The following GRID2 variants were observed in gnomAD, a reference collection of about 807,000 sequenced individuals.
GRID2 encodes glutamate ionotropic receptor delta type subunit 2.
GRID2 carries 33 observed loss-of-function variants against 114.8 expected under a neutral mutation model. The ratio of observed to expected loss-of-function variants is 0.29; its 90% CI spans 0.22 to 0.38. The LOEUF (loss-of-function observed/expected upper bound fraction) is 0.38. Ranked by LOEUF, GRID2 falls within the 10% of genes least tolerant of loss-of-function variation. The pLI is 1.00. For synonymous variants in GRID2, 505 were observed against 449.9 expected, an observed-to-expected ratio of 1.12 and a Z score of -1.55; for missense variants, 1,184 against 1,257.7, an observed-to-expected ratio of 0.94 and a Z score of 0.89.
intron 2 of GRID2, among the ~76,000 whole-genome samples, chr4:92,706,968 A>C (rs1392122132): frequency 2.6e-5 from 4 of 152,154 alleles, no homozygotes; most frequent in African/African-American, 9.7e-5. Context: ...TTTTATAGCC[A>C]TCACATTCAT....
intron 8 of GRID2, among the ~76,000 whole-genome samples, chr4:93,349,352 C>T (rs370451421): frequency 6.6e-6 from 1 of 152,028 alleles, no homozygotes; most frequent in African/African-American, 2.4e-5. Context: ...AGAGGTAACA[C>T]AACTGCATAC....
At chr4:93,186,991 C>T (rs1222348990) in intron 4 of GRID2, among the ~76,000 whole-genome samples, 1 of 152,130 alleles carries the variant, frequency 6.6e-6, no homozygotes, top group Non-Finnish European at 1.5e-5. Context: ...AAAGATAGCA[C>T]CTTCTCACTG....
At chr4:92,990,281 G>GTATA (rs1424772351) in intron 2 of GRID2, among the ~76,000 whole-genome samples, 31 of 50,172 alleles carry the variant, frequency 6.2e-4, no homozygotes, top group African/African-American at 1.7e-3. Flanking sequence ...ACGTAGATAT[G>GTATA]TGTGTGTATA....
intron 4 of GRID2, among the ~76,000 whole-genome samples, chr4:93,200,836 G>GA (rs1212139862): frequency 3.9e-5 from 6 of 151,992 alleles, no homozygotes; most frequent in African/African-American, 7.2e-5. Flanking sequence ...ACTTGCAGTG[G>GA]AAAAAAATGG....
At chr4:92,547,740 G>A (rs1477791851) in intron 1 of GRID2, among the ~76,000 whole-genome samples, 2 of 150,068 alleles carry the variant, frequency 1.3e-5, no homozygotes, top group South Asian at 2.1e-4. Flanking sequence ...GCTTCTTTTT[G>A]TTCTCACACA....
rs1734256878 is a variant in GRID2 at position 93,773,635 on chromosome 4, C to T, written c.*1137C>T. 1 of 151,942 alleles carries T rather than the reference C, an allele frequency of 6.6e-6. No homozygotes were observed. The highest frequency in any genetic ancestry group is 2.4e-5 in the African/African-American group (1 of 41,374). 9.4% of individuals were successfully genotyped at this position (151,942 alleles called of 1,614,324 possible). On this transcript the variant is annotated 3_prime_UTR_variant, in exon 16 of 16. Transcript: ENST00000282020. ...GCTCTAGAAGAGTTGAAACATAGAT[C>T]ATTGAAGGTTAAAAATCCTCTTCCA...
At chr4:92,391,242 C>T (rs1730224233) in intron 1 of GRID2, among the ~76,000 whole-genome samples, 1 of 152,036 alleles carries the variant, frequency 6.6e-6, no homozygotes, top group African/African-American at 2.4e-5. Context: ...CAGACTGTTT[C>T]AAGGAGGTAT....
At chr4:93,680,427 A>G (rs988565344) in intron 14 of GRID2, among the ~76,000 whole-genome samples, 27 of 151,766 alleles carry the variant, frequency 1.8e-4, no homozygotes, top group African/African-American at 6.3e-4. Context: ...AACTCATTTT[A>G]TGAGGCCAGC....
chr4:93,761,354 G>C (rs1206154551), intron 14 of GRID2, among the ~76,000 whole-genome samples: 2 of 152,148 alleles, frequency 1.3e-5, no homozygotes, highest in Non-Finnish European at 2.9e-5. Flanking sequence ...TTGGCTTATA[G>C]AGTTATTTTC....
intron 8 of GRID2, among the ~76,000 whole-genome samples, chr4:93,335,694 CTT>C (rs55823712): frequency 3.7e-4 from 53 of 141,696 alleles, no homozygotes; most frequent in East Asian, 1.0e-3. Context: ...TTTCTTCTTT[CTT>C]TTTTTTTTTT....
At chr4:93,430,418 T>A (rs997559437) in intron 10 of GRID2, among the ~76,000 whole-genome samples, 2 of 152,184 alleles carry the variant, frequency 1.3e-5, no homozygotes, top group Admixed American at 1.3e-4. Context: ...TGACCTCAGG[T>A]GATCTGCCCG....
intron 2 of GRID2, among the ~76,000 whole-genome samples, chr4:92,934,137 T>C (rs1316041004): frequency 6.6e-6 from 1 of 151,864 alleles, no homozygotes; most frequent in Non-Finnish European, 1.5e-5. Flanking sequence ...AATGCCATTT[T>C]CATAATATTG....
intron 1 of GRID2, among the ~76,000 whole-genome samples, chr4:92,488,993 T>G (rs1278138372): frequency 6.6e-6 from 1 of 152,190 alleles, no homozygotes; most frequent in Non-Finnish European, 1.5e-5. Flanking sequence ...TACCTAGTGA[T>G]AGTACATTTC....
At chr4:93,117,248 G>T (rs907687240) in intron 4 of GRID2, among the ~76,000 whole-genome samples, 1 of 151,930 alleles carries the variant, frequency 6.6e-6, no homozygotes, top group Non-Finnish European at 1.5e-5. Context: ...ATGTTGCCTT[G>T]CTCTTGGATA....
intron 2 of GRID2, among the ~76,000 whole-genome samples, chr4:92,650,701 G>A (rs552069910): frequency 6.6e-6 from 1 of 151,880 alleles, no homozygotes; most frequent in Non-Finnish European, 1.5e-5. Context: ...GGCCAGCAGA[G>A]TATAAAGTTA....
chr4:93,691,161 C>A (rs1044865598), intron 14 of GRID2, among the ~76,000 whole-genome samples: 8 of 151,582 alleles, frequency 5.3e-5, no homozygotes, highest in Non-Finnish European at 1.2e-4. Flanking sequence ...TACAAAATAT[C>A]TATTTCCATA....
intron 5 of GRID2, among the ~76,000 whole-genome samples, chr4:93,210,855 T>G (rs1036220055): frequency 6.6e-6 from 1 of 152,088 alleles, no homozygotes; most frequent in Non-Finnish European, 1.5e-5. Flanking sequence ...TAGATTACTT[T>G]TTTTGAAATA....
At chr4:92,676,988 G>A (rs188167665) in intron 2 of GRID2, among the ~76,000 whole-genome samples, 3 of 152,168 alleles carry the variant, frequency 2.0e-5, no homozygotes, top group Admixed American at 6.5e-5. Flanking sequence ...AATTAATCTT[G>A]AAGACATTAT....
intron 8 of GRID2, among the ~76,000 whole-genome samples, chr4:93,280,308 A>T (rs2149584496): frequency 6.6e-6 from 1 of 152,110 alleles, no homozygotes; most frequent in Non-Finnish European, 1.5e-5. Flanking sequence ...TTAGCCATGC[A>T]ACACATTTTA....
Sources: allele counts gnomAD v4.1 joint callset (sites outside exome capture counted in the v4.1 genomes callset), GRCh38; gene constraint gnomAD v4.1.1; transcripts MANE v1.5; gene names NCBI Gene and HGNC (gene_info 2026-07-23, HGNC 2026-07-21).